Variants in TTC29 observed in about 807,000 individuals in gnomAD.
TTC29 encodes the protein tetratricopeptide repeat protein 29.
Under a neutral mutation model 58.1 loss-of-function variants are expected in TTC29, and 49 were observed. The ratio of observed to expected loss-of-function variants is 0.84; its 90% confidence interval spans 0.67 to 1.07. The LOEUF is 1.07. Among genes scored for constraint, TTC29 ranks in the 50% least tolerant of loss-of-function variants. The pLI is 0.00. For synonymous variants in TTC29, 209 were observed against 196.8 expected (o/e 1.06, Z -0.52); for missense variants, 582 against 555.6 (o/e 1.05, Z -0.48).
At chr4:146,777,492 C>T (rs987608175) in intron 11 of TTC29, among the ~76,000 whole-genome samples, 3 of 151,984 alleles carry the variant, frequency 2.0e-5, no homozygotes, top group African/African-American at 7.3e-5. Flanking sequence ...ACTAAGATGG[C>T]ATTTTAGAAG....
chr4:146,894,754 A>G (rs999014527), intron 6 of TTC29, among the ~76,000 whole-genome samples: 4 of 152,164 alleles, frequency 2.6e-5, no homozygotes, highest in African/African-American at 9.7e-5. Flanking sequence ...CAATGTGAGA[A>G]CAGACTAATA....
At chr4:146,721,612 C>A (rs765504782) in intron 11 of TTC29, among the ~76,000 whole-genome samples, 34 of 152,134 alleles carry the variant, frequency 2.2e-4, no homozygotes, top group Non-Finnish European at 4.0e-4. Flanking sequence ...TAGAAGGTGA[C>A]CGTTAGATGT....
At chr4:146,738,748 G>C (rs1309218221) in intron 11 of TTC29, among the ~76,000 whole-genome samples, 2 of 152,030 alleles carry the variant, frequency 1.3e-5, no homozygotes, top group Non-Finnish European at 2.9e-5. Context: ...TTGTGATTGC[G>C]CATCTTAAGA....
chr4:146,841,621 C>A (rs1382144037), intron 8 of TTC29, among the ~76,000 whole-genome samples: 1 of 151,792 alleles, frequency 6.6e-6, no homozygotes, highest in Non-Finnish European at 1.5e-5. Context: ...TGCTTGCCAC[C>A]CTTCCCATTG....
At chr4:146,935,138 G>T (rs928217519) in intron 4 of TTC29, among the ~76,000 whole-genome samples, 4 of 152,054 alleles carry the variant, frequency 2.6e-5, no homozygotes, top group African/African-American at 9.7e-5. Context: ...CTTGGGAGCA[G>T]GTAAGGGGAT....
intron 9 of TTC29, among the ~76,000 whole-genome samples, chr4:146,824,391 T>C (rs2150145712): frequency 6.6e-6 from 1 of 152,306 alleles, no homozygotes; most frequent in Non-Finnish European, 1.5e-5. Flanking sequence ...TCTGTTCATG[T>C]GATGGGTTAC....
At chr4:146,770,410 C>T (rs2150073265) in intron 11 of TTC29, among the ~76,000 whole-genome samples, 1 of 151,544 alleles carries the variant, frequency 6.6e-6, no homozygotes, top group Middle Eastern at 3.4e-3. Context: ...CTACTGCCAC[C>T]TTGATGGGAA....
At chr4:146,936,484 A>T (rs892552736) in intron 4 of TTC29, among the ~76,000 whole-genome samples, 2 of 152,106 alleles carry the variant, frequency 1.3e-5, no homozygotes, top group Non-Finnish European at 2.9e-5. Flanking sequence ...ATTGGCCTTA[A>T]ATTTTATCTA....
intron 2 of TTC29, chr4:146,942,815 TGGGGCCAGGGTAATCTCTTCATAATTGCA>T (rs938621229): frequency 4.1e-6 from 2 of 493,218 alleles, no homozygotes; most frequent in Non-Finnish European, 7.2e-6. Flanking sequence ...CAGTGGGCAC[TGGGGCCAGGGTAATCTCTTCATAATTGCA>T]GGGGTCTTTG....
chr4:146,903,462 TCGACCACCACG>T, intron 6 of TTC29, 71 bp downstream of exon 6: 1 of 1,285,880 alleles, frequency 7.8e-7, no homozygotes, highest in Admixed American at 2.8e-5. Context: ...GTCTTTTTTC[TCGACCACCACG>T]TGTTTTTCCA....
chr4:146,728,848 T>TGTATATATAC lies in TTC29; in HGVS notation c.1331-21298_1331-21297insGTATATATAC, dbSNP rs1561066731. ...ATACATATATATACACATATATATG[T>TGTATATATAC]ATATATATACACATATATATGTGTG... is the stretch of plus-strand genomic sequence containing the variant. On this transcript the variant is annotated intron_variant, in intron 11 of 12. Coordinates refer to ENST00000325106, the MANE Select transcript of TTC29 (RefSeq NM_031956.4). 2.2e-3 allele frequency among the ~76,000 whole-genome samples: 146 copies of TGTATATATAC among 67,352 alleles called. 6 individuals are homozygous for TGTATATATAC. The highest frequency in any genetic ancestry group is 5.6e-3 in the East Asian group (11 of 1,952). 44.2% of individuals were successfully genotyped at this position (67,352 alleles called of 152,430 possible). A position where few individuals can be genotyped will look rare whatever the true frequency, so the allele number is the denominator to read the frequency against.
At chr4:146,911,134 C>T (rs1733869592) in intron 4 of TTC29, among the ~76,000 whole-genome samples, 1 of 152,160 alleles carries the variant, frequency 6.6e-6, no homozygotes, top group Non-Finnish European at 1.5e-5. Flanking sequence ...CATGCAAAGG[C>T]AGCAAAAGTC....
At chr4:146,760,800 C>CTATA (rs371961212) in intron 11 of TTC29, among the ~76,000 whole-genome samples, 6 of 109,864 alleles carry the variant, frequency 5.5e-5, no homozygotes, top group Admixed American at 3.3e-4. Context: ...TGATGGAATA[C>CTATA]TATATATATA....
At chr4:146,858,233 G>A (rs1729995600) in intron 8 of TTC29, among the ~76,000 whole-genome samples, 1 of 152,188 alleles carries the variant, frequency 6.6e-6, no homozygotes, top group Non-Finnish European at 1.5e-5. Flanking sequence ...AAGAAGTTAA[G>A]TGACTAACCT....
At chr4:146,708,117 T>TG (rs1270352862) in intron 11 of TTC29, among the ~76,000 whole-genome samples, 1 of 151,878 alleles carries the variant, frequency 6.6e-6, no homozygotes, top group East Asian at 1.9e-4. Context: ...TACTACTTAG[T>TG]GACTTCAATT....
chr4:146,908,899 T>C, intron 5 of TTC29, 127 bp downstream of exon 5: 1 of 792,510 alleles, frequency 1.3e-6, no homozygotes, highest in Non-Finnish European at 2.0e-6. Context: ...GACGTTTAAT[T>C]GACTGGGTTG....
At chr4:146,803,408 C>A in intron 11 of TTC29, 49 bp downstream of exon 11, 2 of 1,264,298 alleles carry the variant, frequency 1.6e-6, no homozygotes, top group South Asian at 1.5e-5. Flanking sequence ...GTAAATTAAT[C>A]ATTGAGAATG....
intron 11 of TTC29, among the ~76,000 whole-genome samples, chr4:146,768,361 G>A (rs559292607): frequency 6.6e-6 from 1 of 151,986 alleles, no homozygotes; most frequent in Non-Finnish European, 1.5e-5. Flanking sequence ...GGTAACAAAT[G>A]TGGAAATAAG....
chr4:146,842,858 A>G (rs1190379016), intron 8 of TTC29, among the ~76,000 whole-genome samples: 2 of 152,196 alleles, frequency 1.3e-5, no homozygotes, highest in African/African-American at 4.8e-5. Context: ...GAAATAAAAA[A>G]TCAAGTTTGC....
Sources: allele counts gnomAD v4.1 joint callset (sites outside exome capture counted in the v4.1 genomes callset), GRCh38; gene constraint gnomAD v4.1.1; transcripts MANE v1.5; gene names NCBI Gene and HGNC (gene_info 2026-07-23, HGNC 2026-07-21).